The following ABCA10 variants were observed in gnomAD, a reference collection of about 807,000 sequenced individuals.
ABCA10 encodes the protein ATP binding cassette subfamily A member 10.
ABCA10 carries 169 observed loss-of-function variants against 187.5 expected under a neutral mutation model. The observed-to-expected ratio is 0.90, with a 90% CI of 0.80 to 1.02. The LOEUF is 1.02. Ranked by LOEUF, ABCA10 falls within the 50% of genes least tolerant of loss-of-function variation. The probability of loss-of-function intolerance (pLI) is 0.00; values close to 1 mark genes in which losing one functional copy is unlikely to be tolerated. For synonymous variants in ABCA10, 574 were observed against 601.8 expected (o/e 0.95, Z 0.68); for missense variants, 1,727 against 1,812.4 (o/e 0.95, Z 0.86).
Position 69,175,432 on chromosome 17 carries a change from C to T in ABCA10, c.2851G>A (p.Gly951Ser), listed in dbSNP as rs769137596. The T allele has an allele frequency of 9.9e-6, 16 of 1,611,284 alleles. No homozygotes were observed. Among genetic ancestry groups the T allele is most frequent in the East Asian group, 2.2e-5 (1 of 44,780 alleles). Residue 951 changes from glycine (G) to serine (S), a missense_variant, in exon 23 of 39, where the codon GGC becomes AGC. By Grantham distance (56) the Gly-to-Ser change is moderately conservative. Transcript: ENST00000690296. ...LITNCVSPFI[G>S]MSSISDYKKN... ...TTATAATCGCTGATGCTGCTCATGC[C>T]GATAAAAGGAGAAACGCAGTTTGTG...
At position 69,148,574 on chromosome 17, in the gene ABCA10, T is replaced by G. The variant is rs1598080860; in HGVS notation, c.*253A>C. 2.9e-6 allele frequency: 1 copy of G among 341,448 alleles called. No homozygotes were observed. The highest frequency in any genetic ancestry group is 8.8e-4 in the Middle Eastern group (1 of 1,140). The allele number at this position is 341,448 out of a possible 1,614,324, so 21.2% of individuals were successfully genotyped here. A position where few individuals can be genotyped will look rare whatever the true frequency, so the allele number is the denominator to read the frequency against. ...ACCTAATATTGTATGATTTTTAAAT[T>G]ATTTTTAAGCACAAAATAGACCCAT... On this transcript the variant is annotated 3_prime_UTR_variant, in exon 39 of 39. Coordinates refer to ENST00000690296, the MANE Select transcript of ABCA10 (RefSeq NM_001377321.1).
intron 20 of ABCA10, 124 bp from the exon 21 acceptor site, chr17:69,182,932 C>G: frequency 4.7e-6 from 6 of 1,266,592 alleles, no homozygotes; most frequent in Non-Finnish European, 6.5e-6. Flanking sequence ...TAGTAAAGAG[C>G]CTTGCTCTTT....
At chr17:69,152,798 T>A (rs926626190) in intron 34 of ABCA10, among the ~76,000 whole-genome samples, 6 of 97,280 alleles carry the variant, frequency 6.2e-5, no homozygotes, top group Admixed American at 1.3e-4. Flanking sequence ...AGTAATACAA[T>A]TAAGTAAATA....
chr17:69,216,796 T>C (rs1410073096), intron 6 of ABCA10, among the ~76,000 whole-genome samples: 1 of 152,210 alleles, frequency 6.6e-6, no homozygotes, highest in East Asian at 1.9e-4. Flanking sequence ...TTCTAAGGTA[T>C]ACCATTCTTC....
rs570767005 is a variant in ABCA10 at position 69,152,593 on chromosome 17, C to G, written c.4137-112G>C. 22 of 1,435,364 alleles carry G rather than the reference C, an allele frequency of 1.5e-5. No individual in the cohort carries two copies. The South Asian group carries it at 2.4e-4, about 16-fold the overall frequency. The allele number at this position is 1,435,364 out of a possible 1,614,324, so 88.9% of individuals were successfully genotyped here. On this transcript the variant is annotated intron_variant, in intron 34 of 38. Coordinates refer to ENST00000690296, the MANE Select transcript of ABCA10 (RefSeq NM_001377321.1). ...AATGTTATGTTAGGATGCAAGAAAC[C>G]TGTGCAACATGGTGAAACCCCATCT...
chr17:69,202,545 AT>A (rs368415807), intron 9 of ABCA10, among the ~76,000 whole-genome samples: 3 of 152,252 alleles, frequency 2.0e-5, no homozygotes, highest in South Asian at 2.1e-4. Context: ...AGCATGGGAA[AT>A]TTTTTTAATT....
exon 1 of ABCA10, chr17:69,244,833 T>C (rs181405611): frequency 1.3e-5 from 2 of 150,902 alleles, no homozygotes; most frequent in Non-Finnish European, 3.0e-5. Context: ...TATAAAACGT[T>C]GTTAGTACTA....
At chr17:69,244,615 A>G (rs1297467178) in exon 1 of ABCA10, 1 of 151,740 alleles carries the variant, frequency 6.6e-6, no homozygotes, top group East Asian at 1.9e-4. Context: ...AAAGAAAATA[A>G]AAAATCAATG....
intron 22 of ABCA10, among the ~76,000 whole-genome samples, chr17:69,179,811 C>A (rs2074365380): frequency 6.6e-6 from 1 of 152,156 alleles, no homozygotes; most frequent in Non-Finnish European, 1.5e-5. Context: ...TTTCTTCCTC[C>A]AGAGCTGGCT....
At chr17:69,226,813 A>C (rs1249449735) in intron 2 of ABCA10, among the ~76,000 whole-genome samples, 3 of 151,870 alleles carry the variant, frequency 2.0e-5, no homozygotes, top group Non-Finnish European at 2.9e-5. Context: ...CCCTGCCCCC[A>C]ACACAGAAGT....
At chr17:69,193,460 A>AAATTAATTG in intron 14 of ABCA10, 33 bp downstream of exon 14, 2 of 1,592,492 alleles carry the variant, frequency 1.3e-6, no homozygotes, top group Non-Finnish European at 1.7e-6. Flanking sequence ...CCTTCAATCT[A>AAATTAATTG]AATTAATTGT....
Position 69,160,735 on chromosome 17 carries a change from T to C in ABCA10, c.3363+3339A>G, listed in dbSNP as rs1385469349. 2.0e-5 allele frequency among the ~76,000 whole-genome samples: 3 copies of C among 152,120 alleles called. No individual in the cohort carries two copies. In the East Asian group the frequency reaches 5.8e-4, roughly 29 times the overall value. Reference sequence around the variant, plus strand: ...ACAATGGCATACCACCTCACATCCATTAGGATGACTACTATATAAAAAAAT... The same window carrying C: ...ACAATGGCATACCACCTCACATCCACTAGGATGACTACTATATAAAAAAAT... On this transcript the variant is annotated intron_variant, in intron 27 of 38. Coordinates refer to ENST00000690296, the MANE Select transcript of ABCA10 (RefSeq NM_001377321.1).
At chr17:69,197,024 G>GAGGGGT (rs2144811577) in intron 11 of ABCA10, 40 bp downstream of exon 11, 1 of 1,380,980 alleles carries the variant, frequency 7.2e-7, no homozygotes, top group Non-Finnish European at 9.8e-7. Context: ...GGGGGAGGGG[G>GAGGGGT]AGAGGGAGAG....
chr17:69,241,525 T>C (rs1196102745), intron 1 of ABCA10, among the ~76,000 whole-genome samples: 2 of 152,170 alleles, frequency 1.3e-5, no homozygotes, highest in African/African-American at 4.8e-5. Context: ...GCCCTTTCGA[T>C]CCCATCTTCC....
In ABCA10 at chr17:69,215,925, C is replaced by T. The variant is rs779243607; in HGVS notation, c.748G>A (p.Val250Ile). The change falls in exon 8 of 39, where the codon GTA becomes ATA. Residue 250 changes from valine to isoleucine, a missense_variant. Transcript: ENST00000690296. ...GTGAATCCCAGACATCCCCAAAATA[C>T]AGTGAAGAGAAATCCAGCCAAACCA... is the stretch of plus-strand genomic sequence containing the variant. ...LAGLAGFLFT[V>I]FWGCLGFTVL... is the part of the protein sequence containing the mutation. 26 of 1,613,760 alleles carry T rather than the reference C, an allele frequency of 1.6e-5. No individual in the cohort carries two copies. The Admixed American group carries it at 4.2e-4, about 26-fold the overall frequency.
intron 11 of ABCA10, among the ~76,000 whole-genome samples, chr17:69,194,748 G>C (rs2074485848): frequency 6.6e-6 from 1 of 152,124 alleles, no homozygotes. Flanking sequence ...GAATGTCAAA[G>C]AATCTATACA....
At chr17:69,219,448 G>A in intron 6 of ABCA10, 97 bp downstream of exon 6, 3 of 816,648 alleles carry the variant, frequency 3.7e-6, no homozygotes, top group Non-Finnish European at 5.6e-6. Context: ...TTGAATACGT[G>A]CAAGAAAACT....
intron 3 of ABCA10, among the ~76,000 whole-genome samples, chr17:69,224,041 T>C (rs1292179520): frequency 6.6e-6 from 1 of 152,074 alleles, no homozygotes; most frequent in Non-Finnish European, 1.5e-5. Flanking sequence ...AACACTGTGG[T>C]CAGGCAGAAC....
Position 69,154,331 on chromosome 17 carries a change from A to T in ABCA10, c.3695-5T>A, listed in dbSNP as rs1335761646. The T allele has an allele frequency of 6.3e-7, 1 of 1,586,426 alleles. No homozygotes were observed. The highest frequency in any genetic ancestry group is 1.4e-5 in the African/African-American group (1 of 73,720). The stretch of plus-strand genomic sequence containing the variant: ...CTAGTAATCCCAAAACTTCACCTGG[A>T]AGAAAGAGTCACCATCAATATTTGA... On this transcript the variant is annotated splice_polypyrimidine_tract_variant and splice_region_variant and intron_variant, in intron 30 of 38. Transcript: ENST00000690296.
Sources: allele counts gnomAD v4.1 joint callset (sites outside exome capture counted in the v4.1 genomes callset), GRCh38; gene constraint gnomAD v4.1.1; transcripts MANE v1.5; gene names NCBI Gene and HGNC (gene_info 2026-07-23, HGNC 2026-07-21).